The following ERC2 variants were observed in gnomAD, a reference collection of about 807,000 sequenced individuals.
ERC2 encodes the protein ERC protein 2.
ERC2 carries 42 observed loss-of-function variants against 114.8 expected under a neutral mutation model. That is an observed-to-expected ratio of 0.37 (90% CI 0.29 to 0.47). The LOEUF (loss-of-function observed/expected upper bound fraction) is 0.47. Ranked by LOEUF, ERC2 falls within the 20% of genes least tolerant of loss-of-function variation. The pLI, the probability that ERC2 is intolerant of heterozygous loss-of-function variation, is 0.99. For missense variants in ERC2, 939 were observed against 1,150.7 expected (o/e 0.82, Z 2.66); for synonymous variants, 454 against 425.5 (o/e 1.07, Z -0.82).
At chr3:55,891,774 T>C (rs1356185562) in intron 13 of ERC2, among the ~76,000 whole-genome samples, 1 of 152,074 alleles carries the variant, frequency 6.6e-6, no homozygotes, top group Non-Finnish European at 1.5e-5. Flanking sequence ...TGCCTCCATC[T>C]CCCCATCACA....
intron 5 of ERC2, among the ~76,000 whole-genome samples, chr3:56,142,084 C>G (rs1390124843): frequency 6.6e-6 from 1 of 152,082 alleles, no homozygotes; most frequent in Non-Finnish European, 1.5e-5. Context: ...TTCCAAAGAA[C>G]ATTACTTACT....
chr3:55,583,503 C>T (rs2057404431), intron 17 of ERC2, among the ~76,000 whole-genome samples: 1 of 31,860 alleles, frequency 3.1e-5, no homozygotes, highest in Non-Finnish European at 6.0e-5. Flanking sequence ...CTCCTTCCCT[C>T]CCTCCCTCCC....
intron 10 of ERC2, among the ~76,000 whole-genome samples, chr3:56,002,332 T>G (rs2072138575): frequency 6.6e-6 from 1 of 152,166 alleles, no homozygotes. Context: ...ATCTGCCAAA[T>G]GATAAACTCT....
chr3:55,889,910 T>C (rs1157944634), intron 13 of ERC2, among the ~76,000 whole-genome samples: 1 of 152,208 alleles, frequency 6.6e-6, no homozygotes. Context: ...ATAGTTCACA[T>C]CCAAGGTAAA....
rs140357437 is a variant in ERC2 at position 56,172,392 on chromosome 3, A to G, written c.1149+1054T>C. Among the ~76,000 whole-genome samples the G allele has an allele frequency of 1.6e-4, 25 of 152,324 alleles. No homozygotes were observed. The East Asian group carries it at 4.8e-3, about 29-fold the overall frequency. On this transcript the variant is annotated intron_variant, in intron 4 of 17. Coordinates refer to ENST00000288221, the MANE Select transcript of ERC2 (RefSeq NM_015576.3). Reference sequence around the variant, plus strand: ...TTAAGAAATTGTCATTGAATAAGAAAAACAATCCCTACTCAGATTGCACAT... The same window carrying G: ...TTAAGAAATTGTCATTGAATAAGAAGAACAATCCCTACTCAGATTGCACAT...
chr3:56,000,893 T>TA lies in ERC2; in HGVS notation c.2061+6287dup, dbSNP rs58057703. On this transcript the variant is annotated intron_variant, in intron 10 of 17. Coordinates refer to ENST00000288221, the MANE Select transcript of ERC2 (RefSeq NM_015576.3). Reference sequence around the variant, plus strand: ...ACAGAGCGAGACTTCGTCTTAAGTTTAAAAAAAAAAAAAAAGTGATGGGGG... The same window carrying TA: ...ACAGAGCGAGACTTCGTCTTAAGTTTAAAAAAAAAAAAAAAAGTGATGGGGG... 9.4e-3 allele frequency among the ~76,000 whole-genome samples: 1,288 copies of TA among 137,732 alleles called. 20 individuals are homozygous for TA. The highest frequency in any genetic ancestry group is 0.031 in the African/African-American group (1,159 of 37,986). The allele number at this position is 137,732 out of a possible 152,430, so 90.4% of individuals were successfully genotyped here.
intron 3 of ERC2, among the ~76,000 whole-genome samples, chr3:56,251,803 C>T (rs1403732266): frequency 6.6e-6 from 1 of 152,192 alleles, no homozygotes; most frequent in South Asian, 2.1e-4. Flanking sequence ...CGTGGCATTC[C>T]GCACTTGTAT....
At chr3:55,740,309 T>C (rs149479807) in intron 14 of ERC2, among the ~76,000 whole-genome samples, 1,802 of 152,258 alleles carry the variant, frequency 0.012, 21 homozygotes, top group South Asian at 0.051. Flanking sequence ...TATAAAATAA[T>C]CTAGTTTGCT....
chr3:56,195,500 C>CGT (rs112067114), intron 3 of ERC2, among the ~76,000 whole-genome samples: 424 of 149,552 alleles, frequency 2.8e-3, no homozygotes, highest in African/African-American at 7.6e-3. Flanking sequence ...TGCGTGTGTG[C>CGT]GTGTGTGTGT....
intron 17 of ERC2, among the ~76,000 whole-genome samples, chr3:55,638,818 C>G (rs1261993823): frequency 6.6e-6 from 1 of 152,202 alleles, no homozygotes; most frequent in African/African-American, 2.4e-5. Flanking sequence ...GAAAACTTTA[C>G]GCATTGTTCT....
intron 7 of ERC2, among the ~76,000 whole-genome samples, chr3:56,042,176 G>A (rs1275545043): frequency 1.3e-5 from 2 of 152,122 alleles, no homozygotes; most frequent in Admixed American, 6.6e-5. Context: ...CGAGATGAAG[G>A]AGGGAAAAGA....
intron 17 of ERC2, among the ~76,000 whole-genome samples, chr3:55,572,580 T>C (rs749428507): frequency 2.0e-5 from 3 of 152,228 alleles, no homozygotes; most frequent in Admixed American, 6.5e-5. Context: ...GAGCACTTTG[T>C]ATTCTTGACA....
intron 14 of ERC2, among the ~76,000 whole-genome samples, chr3:55,875,933 G>A (rs1466203077): frequency 6.6e-6 from 1 of 152,106 alleles, no homozygotes; most frequent in Non-Finnish European, 1.5e-5. Flanking sequence ...AAAGTTAAGA[G>A]AAGAAGGAAG....
intron 2 of ERC2, among the ~76,000 whole-genome samples, chr3:56,393,895 C>T (rs542961372): frequency 6.6e-6 from 1 of 152,200 alleles, no homozygotes; most frequent in South Asian, 2.1e-4. Flanking sequence ...CCCCTGATCA[C>T]CTGGACACTA....
intron 2 of ERC2, among the ~76,000 whole-genome samples, chr3:56,387,517 C>A (rs995393656): frequency 6.6e-6 from 1 of 152,132 alleles, no homozygotes; most frequent in Non-Finnish European, 1.5e-5. Flanking sequence ...AGATTCTCTG[C>A]CATTTGTGTC....
chr3:55,872,385 C>T (rs560055298), intron 14 of ERC2, among the ~76,000 whole-genome samples: 10 of 152,272 alleles, frequency 6.6e-5, no homozygotes, highest in African/African-American at 2.2e-4. Flanking sequence ...ATAGGATTTA[C>T]TAGGGGATTC....
chr3:56,045,575 G>A (rs1048436132), intron 7 of ERC2, among the ~76,000 whole-genome samples: 2 of 152,070 alleles, frequency 1.3e-5, no homozygotes, highest in African/African-American at 4.8e-5. Flanking sequence ...CGAAAGCCAC[G>A]GTGTTGCATC....
intron 6 of ERC2, among the ~76,000 whole-genome samples, chr3:56,112,974 C>T (rs2149834561): frequency 6.6e-6 from 1 of 152,224 alleles, no homozygotes; most frequent in South Asian, 2.1e-4. Flanking sequence ...TGATCCCCAA[C>T]AGGCAATATA....
intron 2 of ERC2, among the ~76,000 whole-genome samples, chr3:56,382,929 C>T (rs1350091341): frequency 6.6e-6 from 1 of 152,130 alleles, no homozygotes; most frequent in East Asian, 1.9e-4. Flanking sequence ...TGGGTTTACC[C>T]TCCAAATCTG....
Sources: gnomAD v4.1 joint callset for allele counts (sites outside exome capture counted in the v4.1 genomes callset) on GRCh38, gnomAD v4.1.1 for gene constraint, MANE v1.5 for transcripts, NCBI Gene and HGNC (gene_info 2026-07-23, HGNC 2026-07-21) for gene names.